Variants in NRG1 observed in about 807,000 individuals in gnomAD.
NRG1 encodes neuregulin 1, also known as pro-neuregulin-1, membrane-bound isoform.
NRG1 carries 18 observed loss-of-function variants against 63.8 expected under a neutral mutation model. The ratio of observed to expected loss-of-function variants is 0.28; its 90% confidence interval spans 0.19 to 0.42. The LOEUF is 0.42. NRG1 is among the 10% of genes least tolerant of loss of function. The pLI is 1.00. For missense variants in NRG1, 762 were observed against 814.7 expected, an observed-to-expected ratio of 0.94 and a Z score of 0.79; for synonymous variants, 302 against 301.3, an observed-to-expected ratio of 1.00 and a Z score of -0.02.
intron 1 of NRG1, among the ~76,000 whole-genome samples, chr8:32,190,940 G>C (rs1842432716): frequency 1.3e-5 from 2 of 152,146 alleles, no homozygotes; most frequent in Admixed American, 1.3e-4. Context: ...GCAGTACTTT[G>C]GTCCAGATAA....
chr8:32,707,943 TA>T (rs201837713), intron 5 of NRG1, among the ~76,000 whole-genome samples: 1 of 570 alleles, frequency 1.8e-3, no homozygotes, highest in Admixed American at 0.024. Context: ...GTTATATGTA[TA>T]TGAAGTATTT....
intron 1 of NRG1, among the ~76,000 whole-genome samples, chr8:32,044,921 A>AAAAAAAAAAAAAAAAAAAAAAAAC (rs1328491078): frequency 6.8e-6 from 1 of 148,072 alleles, no homozygotes; most frequent in South Asian, 2.1e-4. Flanking sequence ...AGCAAAAAAA[A>AAAAAAAAAAAAAAAAAAAAAAAAC]AAAAAAAAAA....
chr8:32,410,801 C>G (rs1375667925), intron 1 of NRG1, among the ~76,000 whole-genome samples: 1 of 152,034 alleles, frequency 6.6e-6, no homozygotes, highest in Non-Finnish European at 1.5e-5. Flanking sequence ...GGTTATGAAC[C>G]TGTTTAAGGA....
intron 1 of NRG1, among the ~76,000 whole-genome samples, chr8:32,171,688 C>T (rs1235822553): frequency 1.3e-5 from 2 of 152,140 alleles, no homozygotes; most frequent in Non-Finnish European, 2.9e-5. Flanking sequence ...AACGGCACAC[C>T]AGGAGATTAT....
At chr8:31,779,362 G>C (rs1819456836) in intron 1 of NRG1, among the ~76,000 whole-genome samples, 1 of 152,022 alleles carries the variant, frequency 6.6e-6, no homozygotes, top group Admixed American at 6.6e-5. Flanking sequence ...ATGAGAGTCA[G>C]AAGTGTTGGG....
intron 5 of NRG1, among the ~76,000 whole-genome samples, chr8:32,724,756 A>AT (rs1268750491): frequency 6.6e-6 from 1 of 152,188 alleles, no homozygotes; most frequent in Non-Finnish European, 1.5e-5. Context: ...ATTCGTGATC[A>AT]TTTTTTGATC....
intron 1 of NRG1, among the ~76,000 whole-genome samples, chr8:32,153,429 A>G (rs6990973): frequency 0.093 from 14,106 of 152,202 alleles, 1,475 homozygotes; most frequent in African/African-American, 0.26. Context: ...TTGAGGAAGA[A>G]TGAGGGAAAA....
chr8:32,421,050 G>A (rs1423459918), intron 1 of NRG1, among the ~76,000 whole-genome samples: 1 of 152,154 alleles, frequency 6.6e-6, no homozygotes, highest in Non-Finnish European at 1.5e-5. Flanking sequence ...CCCCAGCAGT[G>A]TGAAACTGTG....
intron 5 of NRG1, among the ~76,000 whole-genome samples, chr8:32,685,165 C>T (rs867859072): frequency 1.3e-5 from 2 of 152,112 alleles, no homozygotes; most frequent in African/African-American, 4.8e-5. Flanking sequence ...CCTCCAAATT[C>T]TTTAGTACTA....
intron 1 of NRG1, among the ~76,000 whole-genome samples, chr8:32,482,398 T>TTGTGTGTGTGTGTGTG (rs10689849): frequency 0.024 from 3,612 of 148,274 alleles, 81 homozygotes; most frequent in African/African-American, 0.061. Flanking sequence ...CTTTCTACTT[T>TTGTGTGTGTGTGTGTG]TGTGTGTGTG....
chr8:32,309,185 G>A (rs1250250593), intron 1 of NRG1, among the ~76,000 whole-genome samples: 1 of 152,126 alleles, frequency 6.6e-6, no homozygotes, highest in Non-Finnish European at 1.5e-5. Context: ...AGATTCCTCT[G>A]GGAGGGGTAC....
intron 1 of NRG1, among the ~76,000 whole-genome samples, chr8:32,528,983 C>T (rs1038814985): frequency 3.3e-5 from 5 of 152,190 alleles, no homozygotes; most frequent in Non-Finnish European, 7.3e-5. Context: ...CATATACAGT[C>T]GTACCTCACT....
At chr8:32,178,864 A>C (rs1841098417) in intron 1 of NRG1, among the ~76,000 whole-genome samples, 1 of 152,060 alleles carries the variant, frequency 6.6e-6, no homozygotes, top group South Asian at 2.1e-4. Flanking sequence ...TTACACATGA[A>C]ACATATAAGA....
At chr8:32,754,443 A>C in exon 8 of NRG1, 1 of 1,613,864 alleles carries the variant, frequency 6.2e-7, no homozygotes, top group Non-Finnish European at 8.5e-7. Flanking sequence ...TGTGGTCGGC[A>C]TCATGTGTGT....
At chr8:32,455,260 G>A (rs1412384828) in intron 1 of NRG1, among the ~76,000 whole-genome samples, 1 of 152,154 alleles carries the variant, frequency 6.6e-6, no homozygotes, top group African/African-American at 2.4e-5. Context: ...TTTTCTGCGG[G>A]AATGAAATGA....
chr8:32,022,032 T>G (rs1816534178), intron 1 of NRG1, among the ~76,000 whole-genome samples: 1 of 152,192 alleles, frequency 6.6e-6, no homozygotes, highest in Admixed American at 6.5e-5. Context: ...AGCACTTTTA[T>G]AAGTGAAACT....
chr8:32,470,426 C>T (rs954829519), intron 1 of NRG1, among the ~76,000 whole-genome samples: 4 of 151,106 alleles, frequency 2.6e-5, no homozygotes, highest in Non-Finnish European at 4.4e-5. Context: ...GGATGGTCTC[C>T]GTCTCCTGAC....
At chr8:31,712,255 CTTTTTTT>C (rs57363109) in intron 1 of NRG1, among the ~76,000 whole-genome samples, 5 of 72,346 alleles carry the variant, frequency 6.9e-5, no homozygotes, top group African/African-American at 2.9e-4. Flanking sequence ...TCTTCATGAT[CTTTTTTT>C]TTTTTTTTTT....
chr8:32,397,378 T>G (rs182332316), intron 1 of NRG1, among the ~76,000 whole-genome samples: 46 of 152,322 alleles, frequency 3.0e-4, no homozygotes, highest in African/African-American at 1.0e-3. Flanking sequence ...TGTTAATATG[T>G]ATAAAAACTT....
Sources: allele counts gnomAD v4.1 joint callset (sites outside exome capture counted in the v4.1 genomes callset), GRCh38; gene constraint gnomAD v4.1.1; transcripts MANE v1.5; gene names NCBI Gene and HGNC (gene_info 2026-07-23, HGNC 2026-07-21).